PBRM1: variants seen among roughly 807,000 people sequenced by gnomAD.
PBRM1 encodes polybromo 1.
In PBRM1, 27 loss-of-function variants were observed where a neutral mutation model predicts 194.5. The observed-to-expected ratio is 0.14, with a 90% confidence interval of 0.10 to 0.19. The LOEUF (loss-of-function observed/expected upper bound fraction) is 0.19. Ranked by LOEUF, PBRM1 falls within the 10% of genes least tolerant of loss-of-function variation. The probability of loss-of-function intolerance (pLI) is 1.00; values close to 1 mark genes in which losing one functional copy is unlikely to be tolerated. For missense variants in PBRM1, 1,466 were observed against 2,077.2 expected (o/e 0.71, Z 5.72); for synonymous variants, 655 against 693.2 (o/e 0.94, Z 0.87).
intron 20 of PBRM1, chr3:52,585,947 T>A (rs967001233): frequency 1.1e-4 from 17 of 150,724 alleles, no homozygotes; most frequent in African/African-American, 4.1e-4. Context: ...AAATTTTTTG[T>A]TTTTTTGAGA....
chr3:52,675,790 G>A (rs117264020), intron 2 of PBRM1, among the ~76,000 whole-genome samples: 13 of 152,312 alleles, frequency 8.5e-5, no homozygotes, highest in East Asian at 5.8e-4. Flanking sequence ...TTCAACAAAC[G>A]ATACCGGGAA....
chr3:52,545,935 A>G, downstream of PBRM1: 1 of 233,022 alleles, frequency 4.3e-6, no homozygotes, highest in Non-Finnish European at 8.5e-6. Context: ...ATACAGAAAA[A>G]CATGATTCTA....
intron 2 of PBRM1, among the ~76,000 whole-genome samples, chr3:52,671,338 T>C (rs954040977): frequency 6.6e-6 from 1 of 152,148 alleles, no homozygotes; most frequent in Non-Finnish European, 1.5e-5. Flanking sequence ...ATCTTCGAGG[T>C]TGTAACATGA....
intron 2 of PBRM1, among the ~76,000 whole-genome samples, chr3:52,675,585 T>C (rs1170357312): frequency 6.6e-6 from 1 of 152,202 alleles, no homozygotes; most frequent in Non-Finnish European, 1.5e-5. Flanking sequence ...GTCTTGTTCG[T>C]GATCTTAGAG....
intron 17 of PBRM1, among the ~76,000 whole-genome samples, chr3:52,598,656 G>A (rs1403413235): frequency 6.6e-6 from 1 of 152,114 alleles, no homozygotes; most frequent in Admixed American, 6.6e-5. Context: ...ATCTCAGGAG[G>A]GGGGATCCCT....
In PBRM1 at chr3:52,609,118, T is replaced by C; in HGVS notation, c.2567+195A>G. The C allele has an allele frequency of 1.8e-6, 1 of 544,996 alleles. No individual in the cohort carries two copies. Among genetic ancestry groups the C allele is most frequent in the African/African-American group, 1.9e-5 (1 of 52,900 alleles). 33.8% of individuals were successfully genotyped at this position (544,996 alleles called of 1,614,324 possible). ...CCTCACTGGCCTTAAACTAGATGACTTAGTGGTGTGCCTTCTCTCCCCCAC... is the reference window on the plus strand; with the variant it reads ...CCTCACTGGCCTTAAACTAGATGACCTAGTGGTGTGCCTTCTCTCCCCCAC... On this transcript the variant is annotated intron_variant, in intron 16 of 29. Transcript: ENST00000296302. The surrounding 1 kb of genome is among the most constrained non-coding windows in gnomAD (Gnocchi z 4.1).
intron 10 of PBRM1, among the ~76,000 whole-genome samples, chr3:52,640,198 CG>C (rs2096015628): frequency 2.7e-5 from 1 of 36,648 alleles, no homozygotes; most frequent in Non-Finnish European, 6.0e-5. Context: ...GGTTATTATT[CG>C]CCTGGTTATT....
At chr3:52,630,814 G>C (rs548544984) in intron 11 of PBRM1, among the ~76,000 whole-genome samples, 1 of 152,336 alleles carries the variant, frequency 6.6e-6, no homozygotes, top group East Asian at 1.9e-4. Context: ...GTTTATATTA[G>C]AAAATTTCAA....
chr3:52,672,847 A>C (rs977564177), intron 2 of PBRM1, among the ~76,000 whole-genome samples: 2 of 151,926 alleles, frequency 1.3e-5, no homozygotes, highest in Non-Finnish European at 2.9e-5. Context: ...CAAGAGAGGA[A>C]AGATGTTCTA....
chr3:52,551,236 A>G (rs1240512973), intron 27 of PBRM1, among the ~76,000 whole-genome samples: 1 of 152,238 alleles, frequency 6.6e-6, no homozygotes, highest in Admixed American at 6.5e-5. Context: ...GTGCTAGGAC[A>G]GCAGGGACAC....
intron 18 of PBRM1, 60 bp from the exon 21 acceptor site, chr3:52,587,570 CTTTTTT>C (rs36056285): frequency 2.0e-5 from 15 of 731,796 alleles, no homozygotes; most frequent in East Asian, 3.1e-5. Context: ...ACAGAAATCA[CTTTTTT>C]TTTTTTTTTT....
chr3:52,636,858 T>TAA (rs11379683), intron 10 of PBRM1, among the ~76,000 whole-genome samples: 130 of 137,466 alleles, frequency 9.5e-4, no homozygotes, highest in Middle Eastern at 3.7e-3. Context: ...GACTCCGCCT[T>TAA]AAAAAAAAAA....
intron 13 of PBRM1, among the ~76,000 whole-genome samples, chr3:52,623,026 T>TA (rs1413603381): frequency 1.3e-5 from 2 of 152,336 alleles, no homozygotes; most frequent in African/African-American, 4.8e-5. Flanking sequence ...AACTGAGGCT[T>TA]AGAGACAGCA....
rs765524945 is a variant in PBRM1, at chr3:52,550,588, C to A, written c.4730G>T (p.Gly1577Val). 2.0e-6 allele frequency: 3 copies of A among 1,538,236 alleles called. No homozygotes were observed. In the South Asian group the frequency reaches 3.8e-5, roughly 19 times the overall value. Residue 1577 changes from glycine (G) to valine (V), a missense_variant, in exon 29 of 30, where the codon GGC (glycine) becomes GTC (valine). By Grantham distance (109) the Gly-to-Val change is moderately radical. Coordinates refer to ENST00000296302, the Ensembl canonical transcript of PBRM1. ...GACAGGGGGTCCAGCTGGATGTGGG[C>A]CGGGATATGGAGGTGGTGCCTGCTG... is the stretch of plus-strand genomic sequence containing the variant.
chr3:52,588,273 CTTCA>C (rs1380479376), intron 18 of PBRM1, among the ~76,000 whole-genome samples: 1 of 152,204 alleles, frequency 6.6e-6, no homozygotes, highest in Admixed American at 6.5e-5. Context: ...CAACTTCTGG[CTTCA>C]TTAATTTCTA....
chr3:52,630,890 C>CT (rs1410351577), intron 11 of PBRM1, among the ~76,000 whole-genome samples: 1 of 152,044 alleles, frequency 6.6e-6, no homozygotes, highest in African/African-American at 2.4e-5. Flanking sequence ...TTGAACTAAG[C>CT]TACTGTAATA....
At chr3:52,570,034 C>T (rs879690531) in intron 22 of PBRM1, among the ~76,000 whole-genome samples, 2 of 152,172 alleles carry the variant, frequency 1.3e-5, no homozygotes, top group Non-Finnish European at 2.9e-5. Flanking sequence ...TGTAGTGACT[C>T]GATCTTGGCT....
chr3:52,557,959 A>G (rs1485521686), intron 26 of PBRM1, among the ~76,000 whole-genome samples: 3 of 152,330 alleles, frequency 2.0e-5, no homozygotes, highest in South Asian at 4.1e-4. Context: ...ATTTTCTGCT[A>G]TAGTGCTCTA....
chr3:52,660,905 G>C (rs1481259501), intron 4 of PBRM1, among the ~76,000 whole-genome samples: 2 of 152,172 alleles, frequency 1.3e-5, no homozygotes, highest in East Asian at 3.8e-4. Flanking sequence ...GGCCTATGTA[G>C]ATAAGTTACA....
Sources: gnomAD v4.1 joint callset for allele counts (sites outside exome capture counted in the v4.1 genomes callset) on GRCh38, gnomAD v4.1.1 for gene constraint, Gnocchi (gnomAD v3.1) non-coding constraint, MANE v1.5 for transcripts, NCBI Gene and HGNC (gene_info 2026-07-23, HGNC 2026-07-21) for gene names.